Variants in CADM1 observed in about 807,000 individuals in gnomAD.
CADM1 encodes TSLC-1.
In CADM1, 15 loss-of-function variants were observed where a neutral mutation model predicts 53.1. That is an observed-to-expected ratio of 0.28 (90% confidence interval 0.19 to 0.44). The LOEUF (loss-of-function observed/expected upper bound fraction) is 0.44. Ranked by LOEUF, CADM1 falls within the 20% of genes least tolerant of loss-of-function variation. The pLI is 1.00. For synonymous variants in CADM1, 281 were observed against 243.0 expected, an observed-to-expected ratio of 1.16 and a Z score of -1.45; for missense variants, 434 against 611.3, an observed-to-expected ratio of 0.71 and a Z score of 3.06.
intron 3 of CADM1, among the ~76,000 whole-genome samples, chr11:115,235,572 C>T (rs1941983039): frequency 6.6e-6 from 1 of 152,178 alleles, no homozygotes; most frequent in African/African-American, 2.4e-5. Flanking sequence ...TTCTTCTCAG[C>T]TAACCTCAAA....
intron 10 of CADM1, among the ~76,000 whole-genome samples, chr11:115,179,637 A>G (rs1251079892): frequency 6.6e-6 from 1 of 152,164 alleles, no homozygotes; most frequent in Non-Finnish European, 1.5e-5. Context: ...TCCTAATGGC[A>G]TTTGAGATTT....
Position 115,217,343 on chromosome 11 carries a change from T to C in CADM1, c.821+549A>G, listed in dbSNP as rs185538361. 1.8e-4 allele frequency among the ~76,000 whole-genome samples: 28 copies of C among 152,334 alleles called. 1 individual carries two copies. In the East Asian group the frequency reaches 5.4e-3, roughly 29 times the overall value. ...CTTCTTTTTCTCTTATGAAGTGGCA[T>C]ATATATCCTCCTTAAGAAAAGTTCC... On this transcript the variant is annotated intron_variant, in intron 6 of 11. Coordinates refer to ENST00000331581, the MANE Select transcript of CADM1 (RefSeq NM_001301043.2).
intron 1 of CADM1, among the ~76,000 whole-genome samples, chr11:115,290,908 T>C (rs1344709570): frequency 6.6e-6 from 1 of 152,206 alleles, no homozygotes; most frequent in East Asian, 1.9e-4. Context: ...AGGGCTTGCA[T>C]TGACTGGCAT....
intron 9 of CADM1, among the ~76,000 whole-genome samples, chr11:115,192,637 C>T (rs2134650386): frequency 6.6e-6 from 1 of 152,290 alleles, no homozygotes; most frequent in East Asian, 1.9e-4. Context: ...ATCAAAGCGT[C>T]CTACATATGT....
intron 10 of CADM1, among the ~76,000 whole-genome samples, chr11:115,187,784 T>C (rs887979676): frequency 6.6e-6 from 1 of 152,152 alleles, no homozygotes; most frequent in African/African-American, 2.4e-5. Context: ...GTATAATCCA[T>C]TTAGGGGACT....
intron 9 of CADM1, among the ~76,000 whole-genome samples, chr11:115,194,435 T>C (rs1486014078): frequency 2.6e-5 from 4 of 152,180 alleles, no homozygotes; most frequent in African/African-American, 4.8e-5. Context: ...GGTACGAGCA[T>C]GTAGCTAGCA....
chr11:115,269,842 A>G (rs936082118), intron 1 of CADM1, among the ~76,000 whole-genome samples: 8 of 152,328 alleles, frequency 5.3e-5, no homozygotes, highest in Non-Finnish European at 7.4e-5. Context: ...AGCACCAAGA[A>G]GGAAAGCTAC....
intron 1 of CADM1, among the ~76,000 whole-genome samples, chr11:115,278,008 T>G (rs1943489292): frequency 1.3e-5 from 2 of 152,214 alleles, no homozygotes; most frequent in South Asian, 2.1e-4. Context: ...CTACCTATCC[T>G]GTAATTCCCA....
chr11:115,393,089 AAG>A (rs1156858908), intron 1 of CADM1, among the ~76,000 whole-genome samples: 3 of 150,586 alleles, frequency 2.0e-5, no homozygotes, highest in African/African-American at 7.3e-5. Context: ...AAAAAAAAAA[AAG>A]GAGAAATAGC....
At chr11:115,464,743 C>T (rs938341142) in intron 1 of CADM1, among the ~76,000 whole-genome samples, 2 of 152,204 alleles carry the variant, frequency 1.3e-5, no homozygotes, top group African/African-American at 4.8e-5. Flanking sequence ...TCTTGCAGAA[C>T]CCTGACTGAA....
chr11:115,182,511 C>T (rs191872176), intron 10 of CADM1, among the ~76,000 whole-genome samples: 1 of 152,340 alleles, frequency 6.6e-6, no homozygotes, highest in African/African-American at 2.4e-5. Flanking sequence ...CACAGTTCAA[C>T]TGGAGTTAAG....
chr11:115,223,974 AGAG>A (rs1409863860), intron 5 of CADM1, among the ~76,000 whole-genome samples: 7 of 1,712 alleles, frequency 4.1e-3, no homozygotes, highest in Non-Finnish European at 7.8e-3. Flanking sequence ...AAAAAAAAAA[AGAG>A]AGAGAGAGAG....
chr11:115,489,577 G>A (rs1298544534), intron 1 of CADM1, among the ~76,000 whole-genome samples: 1 of 152,234 alleles, frequency 6.6e-6, no homozygotes, highest in Non-Finnish European at 1.5e-5. Flanking sequence ...CTGGACTTCG[G>A]TCTTTACATA....
At chr11:115,263,993 G>A (rs948386392) in intron 1 of CADM1, among the ~76,000 whole-genome samples, 3 of 152,168 alleles carry the variant, frequency 2.0e-5, no homozygotes, top group African/African-American at 7.2e-5. Flanking sequence ...GCAGCTGGGT[G>A]GTGAGGTCCC....
At chr11:115,354,397 C>T (rs1039091878) in intron 1 of CADM1, among the ~76,000 whole-genome samples, 10 of 152,114 alleles carry the variant, frequency 6.6e-5, no homozygotes, top group African/African-American at 9.7e-5. Context: ...CAACAGAGGA[C>T]GAAGCAACTT....
intron 1 of CADM1, among the ~76,000 whole-genome samples, chr11:115,272,017 G>T (rs1200571268): frequency 6.6e-6 from 1 of 151,642 alleles, no homozygotes; most frequent in Non-Finnish European, 1.5e-5. Flanking sequence ...AATAAATTCT[G>T]CAATCTCTCT....
rs532164298 is a variant in CADM1, at chr11:115,179,633, T to A, written c.1166-858A>T. On this transcript the variant is annotated intron_variant, in intron 10 of 11. Coordinates refer to ENST00000331581, the MANE Select transcript of CADM1 (RefSeq NM_001301043.2). ...ACATCACCCCTTGCTGAAATCCTAA[T>A]GGCATTTGAGATTTATAATGTAGTA... is the stretch of plus-strand genomic sequence containing the variant. Among the ~76,000 whole-genome samples the A allele has an allele frequency of 5.3e-5, 8 of 152,338 alleles. No homozygotes were observed. In the East Asian group the frequency reaches 1.5e-3, roughly 29 times the overall value.
chr11:115,295,732 T>C (rs1056071837), intron 1 of CADM1, among the ~76,000 whole-genome samples: 2 of 151,666 alleles, frequency 1.3e-5, no homozygotes, highest in Admixed American at 6.6e-5. Context: ...TGATTTCTCA[T>C]AGAATTACTC....
At chr11:115,479,514 AAGAAATTC>A (rs1442310011) in intron 1 of CADM1, among the ~76,000 whole-genome samples, 2 of 152,202 alleles carry the variant, frequency 1.3e-5, no homozygotes, top group Non-Finnish European at 2.9e-5. Context: ...ATGAGTACAT[AAGAAATTC>A]AAATACAAAA....
Sources: gnomAD v4.1 joint callset for allele counts (sites outside exome capture counted in the v4.1 genomes callset) on GRCh38, gnomAD v4.1.1 for gene constraint, MANE v1.5 for transcripts, NCBI Gene and HGNC (gene_info 2026-07-23, HGNC 2026-07-21) for gene names.